The following UXS1 variants were observed in gnomAD, a reference collection of about 807,000 sequenced individuals.
UXS1 encodes UDP-glucuronic acid decarboxylase 1.
A neutral mutation model predicts 62.6 loss-of-function variants in UXS1; 33 were observed. The observed-to-expected ratio is 0.53, with a 90% confidence interval of 0.40 to 0.70. The LOEUF (loss-of-function observed/expected upper bound fraction) is 0.70, where lower values mean the gene tolerates loss of function less well. Among genes scored for constraint, UXS1 ranks in the 30% least tolerant of loss-of-function variants. UXS1 has a pLI of 0.00. For missense variants in UXS1, 434 were observed against 556.3 expected (o/e 0.78, Z 2.21); for synonymous variants, 213 against 206.8 (o/e 1.03, Z -0.26).
Position 106,094,018 on chromosome 2 carries a change from TGAG to T in UXS1, c.*5_*7del, listed in dbSNP as rs755557725. 6.2e-7 allele frequency: 1 copy of T among 1,604,808 alleles called. No individual in the cohort carries two copies. Among genetic ancestry groups the T allele is most frequent in the Non-Finnish European group, 8.5e-7 (1 of 1,177,580 alleles). ...CAATGGTAGTCTTGTGTCCTAAAAG[TGAG>T]GAGTTCAGCTGTGGCGAGTCCGTCC... On this transcript the variant is annotated 3_prime_UTR_variant, in exon 15 of 15. Coordinates refer to ENST00000283148, the MANE Select transcript of UXS1 (RefSeq NM_001253875.2).
intron 1 of UXS1, among the ~76,000 whole-genome samples, chr2:106,175,485 T>G (rs1683821831): frequency 6.6e-6 from 1 of 152,200 alleles, no homozygotes; most frequent in African/African-American, 2.4e-5. Flanking sequence ...GGGACAGAAG[T>G]GTCTCTGTGT....
intron 1 of UXS1, among the ~76,000 whole-genome samples, chr2:106,183,240 TAAAA>T (rs56060452): frequency 0.011 from 1,547 of 135,942 alleles, 10 homozygotes; most frequent in Admixed American, 0.022. Flanking sequence ...AAGTCTTTTT[TAAAA>T]AAAAAAAAAA....
intron 1 of UXS1, among the ~76,000 whole-genome samples, chr2:106,193,309 C>T (rs1396400230): frequency 6.6e-6 from 1 of 152,132 alleles, no homozygotes; most frequent in African/African-American, 2.4e-5. Context: ...ATTTCTAGTC[C>T]AATTTTGCTA....
intron 9 of UXS1, among the ~76,000 whole-genome samples, chr2:106,118,461 A>G (rs1241947111): frequency 6.6e-6 from 1 of 152,134 alleles, no homozygotes; most frequent in African/African-American, 2.4e-5. Context: ...GAGGGGGCGA[A>G]CTCAAATGCA....
intron 1 of UXS1, among the ~76,000 whole-genome samples, chr2:106,191,790 G>A (rs1684952683): frequency 6.6e-6 from 1 of 152,216 alleles, no homozygotes; most frequent in South Asian, 2.1e-4. Flanking sequence ...TCCATTCTCA[G>A]CTCACTTTTG....
chr2:106,120,867 G>A (rs1413311898), intron 9 of UXS1, among the ~76,000 whole-genome samples: 1 of 152,224 alleles, frequency 6.6e-6, no homozygotes, highest in Admixed American at 6.5e-5. Flanking sequence ...CGGAGTGACA[G>A]GGACACCTTC....
intron 11 of UXS1, among the ~76,000 whole-genome samples, chr2:106,103,896 T>TAC (rs1677819822): frequency 1.3e-5 from 2 of 152,126 alleles, no homozygotes; most frequent in Admixed American, 6.5e-5. Flanking sequence ...CCAGGACCCC[T>TAC]ACCTAAGGGT....
chr2:106,145,408 A>G, intron 5 of UXS1, 38 bp from the exon 6 acceptor site: 1 of 1,579,152 alleles, frequency 6.3e-7, no homozygotes, highest in African/African-American at 1.3e-5. Context: ...TTCCCAGAAA[A>G]AGCACATGAG....
chr2:106,157,553 C>A (rs908501584), intron 5 of UXS1, among the ~76,000 whole-genome samples: 2 of 152,128 alleles, frequency 1.3e-5, no homozygotes, highest in African/African-American at 4.8e-5. Context: ...TGTGTCCACA[C>A]GAAAACTTAC....
intron 1 of UXS1, 137 bp from the exon 2 acceptor site, chr2:106,166,220 C>T: frequency 2.6e-6 from 2 of 783,976 alleles, no homozygotes. Flanking sequence ...AAAATGCATA[C>T]TTTGTTTTCA....
At chr2:106,190,771 C>T (rs1684874551) in intron 1 of UXS1, among the ~76,000 whole-genome samples, 1 of 146,078 alleles carries the variant, frequency 6.8e-6, no homozygotes, top group Non-Finnish European at 1.5e-5. Flanking sequence ...AAATGAAGTG[C>T]CTGCTTCTGG....
At chr2:106,165,465 G>T (rs773513086) in intron 2 of UXS1, among the ~76,000 whole-genome samples, 1 of 152,196 alleles carries the variant, frequency 6.6e-6, no homozygotes, top group Non-Finnish European at 1.5e-5. Flanking sequence ...ACTATTAACA[G>T]TACCAAATGG....
chr2:106,180,583 T>C (rs536776391), intron 1 of UXS1, among the ~76,000 whole-genome samples: 32 of 152,324 alleles, frequency 2.1e-4, no homozygotes, highest in African/African-American at 6.0e-4. Context: ...CTTTCTGTCA[T>C]TGGAAGCAGG....
chr2:106,120,728 C>A (rs1004660437), intron 9 of UXS1, among the ~76,000 whole-genome samples: 2 of 152,226 alleles, frequency 1.3e-5, no homozygotes, highest in South Asian at 4.1e-4. Flanking sequence ...ACCCACGACA[C>A]CCCTGTGTGA....
rs183741987 is a variant in UXS1, at chr2:106,094,209, C to T, written c.1147-52G>A. The T allele has an allele frequency of 8.5e-3, 13,738 of 1,607,732 alleles. 81 individuals are homozygous for T. The highest frequency in any genetic ancestry group is 0.011 in the Non-Finnish European group (12,368 of 1,177,844). ...AGACAAGGTCACATTGACAGAAGGG[C>T]ATCGCAGGAAGGAAGTGCCACCTTG... On this transcript the variant is annotated intron_variant, in intron 14 of 14. Coordinates refer to ENST00000283148, the MANE Select transcript of UXS1 (RefSeq NM_001253875.2).
chr2:106,120,978 C>T (rs376052905), intron 9 of UXS1, among the ~76,000 whole-genome samples: 119 of 152,306 alleles, frequency 7.8e-4, no homozygotes, highest in Admixed American at 2.5e-3. Context: ...TTCAGGGCAA[C>T]GCTGCCCACG....
chr2:106,096,812 CT>C lies in UXS1; in HGVS notation c.1051del (p.Ser351ValfsTer25). The C allele has an allele frequency of 6.3e-7, 1 of 1,584,718 alleles. No homozygotes were observed. The highest frequency in any genetic ancestry group is 8.6e-7 in the Non-Finnish European group (1 of 1,163,728). On this transcript the variant is annotated frameshift_variant, in exon 14 of 15. Coordinates refer to ENST00000283148, the MANE Select transcript of UXS1 (RefSeq NM_001253875.2). LOFTEE classifies it high-confidence loss of function. ...GGCTTCGGAGAGAAACTGAATTTCA[CT>C]TCCGCTACCTGAGATGTTTAAAGAA... ...QLIKNLVGSG[S>X]EIQFLSEAQD...
Position 106,194,181 on chromosome 2 carries a change from G to C in UXS1, c.61C>G (p.Leu21Val). The C allele has an allele frequency of 2.7e-6, 4 of 1,485,730 alleles. No homozygotes were observed. The highest frequency in any genetic ancestry group is 3.6e-6 in the Non-Finnish European group (4 of 1,116,476). 92.0% of individuals were successfully genotyped at this position (1,485,730 alleles called of 1,614,324 possible). ...SAVNRRRMKL[L>V]LGIALLAYVA... ...TAGGCCAGCAAGGCGATGCCCAGCA[G>C]CAGCTTCATCCTCCTGCGGTTGACG... Residue 21 changes from leucine to valine, a missense_variant, in exon 1 of 15, where the codon CTG (leucine) becomes GTG (valine). Physicochemically the swap from Leu to Val is conservative, Grantham distance 32. Around this residue, in one of 3 missense-constraint regions of UXS1, gnomAD observed 91 missense variants for 71.1 expected, o/e 1.28. Coordinates refer to ENST00000283148, the MANE Select transcript of UXS1 (RefSeq NM_001253875.2).
At position 106,180,321 on chromosome 2, in the gene UXS1, T is replaced by C. The variant is rs1198426104; in HGVS notation, c.94+13827A>G. ...TTCCAGACTGTTTGACTGTTAAAATTATGAATTAAAACTAAGCCCCAGAAA... is the reference window on the plus strand; with the variant it reads ...TTCCAGACTGTTTGACTGTTAAAATCATGAATTAAAACTAAGCCCCAGAAA... On this transcript the variant is annotated intron_variant, in intron 1 of 14. Transcript: ENST00000283148. Among the ~76,000 whole-genome samples, 3 of 152,310 alleles carry C rather than the reference T, an allele frequency of 2.0e-5. No homozygotes were observed. In the South Asian group the frequency reaches 6.2e-4, roughly 32 times the overall value.
Sources: allele counts gnomAD v4.1 joint callset (sites outside exome capture counted in the v4.1 genomes callset), GRCh38; gene constraint gnomAD v4.1.1; regional missense constraint gnomAD v4.1.1; transcripts MANE v1.5; gene names NCBI Gene and HGNC (gene_info 2026-07-23, HGNC 2026-07-21).